The following FAM168A variants were observed in gnomAD, a reference collection of about 807,000 sequenced individuals.
FAM168A encodes family with sequence similarity 168 member A, also known as protein FAM168A.
Under a neutral mutation model 28.5 loss-of-function variants are expected in FAM168A, and 3 were observed. That is an observed-to-expected ratio of 0.11 (90% CI 0.05 to 0.27). FAM168A has a LOEUF of 0.27. FAM168A is among the 10% of genes least tolerant of loss of function. The probability of loss-of-function intolerance (pLI) is 1.00; values close to 1 mark genes in which losing one functional copy is unlikely to be tolerated. For missense variants in FAM168A, 222 were observed against 311.5 expected (o/e 0.71, Z 2.16); for synonymous variants, 122 against 124.2 (o/e 0.98, Z 0.12).
intron 4 of FAM168A, among the ~76,000 whole-genome samples, chr11:73,413,956 G>A (rs1346319118): frequency 2.0e-5 from 3 of 152,126 alleles, no homozygotes; most frequent in Non-Finnish European, 4.4e-5. Context: ...CCAGCTACTT[G>A]GGAGGCTGAG....
intron 1 of FAM168A, among the ~76,000 whole-genome samples, chr11:73,495,053 G>A (rs1172404854): frequency 1.3e-5 from 2 of 151,094 alleles, no homozygotes; most frequent in Non-Finnish European, 2.9e-5. Context: ...AAATGGAAGA[G>A]AGGGTAATTT....
At position 73,419,963 on chromosome 11, in the gene FAM168A, G is replaced by A. The variant is rs201226740; in HGVS notation, c.188C>T (p.Ser63Leu). The stretch of plus-strand genomic sequence containing the variant: ...GGTGCCTTCAGTGCCACAGGAAGAC[G>A]AGTTCTGTGGCCAGGCCTGTTTCAT... ...LLMKQAWPQN[S>L]SSCGTEGTFH... Residue 63 changes from serine to leucine, a missense_variant, in exon 4 of 8, where the codon TCG (serine) becomes TTG (leucine). Coordinates refer to ENST00000356467, the MANE Select transcript of FAM168A (RefSeq NM_015159.3). 8.1e-6 allele frequency: 13 copies of A among 1,613,916 alleles called. No individual in the cohort carries two copies. Among genetic ancestry groups the A allele is most frequent in the East Asian group, 6.7e-5 (3 of 44,876 alleles).
At chr11:73,445,153 G>A (rs1027259289) in intron 2 of FAM168A, among the ~76,000 whole-genome samples, 2 of 152,006 alleles carry the variant, frequency 1.3e-5, no homozygotes, top group Non-Finnish European at 2.9e-5. Context: ...CAGCTACTTG[G>A]GAGGCTGAGG....
At chr11:73,555,783 A>G (rs957695725) in intron 1 of FAM168A, among the ~76,000 whole-genome samples, 1 of 152,132 alleles carries the variant, frequency 6.6e-6, no homozygotes, top group Admixed American at 6.5e-5. Context: ...ACCTGGCCTA[A>G]TCATAAACTC....
At chr11:73,564,470 G>C (rs754943356) in intron 1 of FAM168A, among the ~76,000 whole-genome samples, 3 of 151,724 alleles carry the variant, frequency 2.0e-5, no homozygotes, top group Non-Finnish European at 4.4e-5. Context: ...CAGGCGCAGT[G>C]GCTCACGCCT....
At chr11:73,572,464 T>C (rs1429567370) in intron 1 of FAM168A, among the ~76,000 whole-genome samples, 2 of 151,820 alleles carry the variant, frequency 1.3e-5, no homozygotes, top group African/African-American at 4.8e-5. Context: ...GATTGAGAAA[T>C]CGGATGGTTG....
intron 1 of FAM168A, among the ~76,000 whole-genome samples, chr11:73,520,330 G>T (rs1217185379): frequency 6.6e-6 from 1 of 152,082 alleles, no homozygotes; most frequent in South Asian, 2.1e-4. Flanking sequence ...TTACAGGCGT[G>T]AGCCACCGCG....
intron 2 of FAM168A, among the ~76,000 whole-genome samples, chr11:73,450,996 AC>A (rs1031465231): frequency 1.4e-4 from 21 of 152,178 alleles, no homozygotes; most frequent in Admixed American, 4.6e-4. Context: ...CATAGTAAGA[AC>A]CAGGAATGAA....
rs1170039225 is a variant in FAM168A at position 73,407,713 on chromosome 11, TAC to T, written c.596-72_596-71del. 41 of 1,321,554 alleles carry T rather than the reference TAC, an allele frequency of 3.1e-5. No individual in the cohort carries two copies. The Admixed American group carries it at 7.7e-4, about 25-fold the overall frequency. 81.9% of individuals were successfully genotyped at this position (1,321,554 alleles called of 1,614,324 possible). On this transcript the variant is annotated intron_variant, in intron 6 of 7. Coordinates refer to ENST00000356467, the MANE Select transcript of FAM168A (RefSeq NM_015159.3). Reference sequence around the variant, plus strand: ...GACACAGGAATGAAGAGGATGAAGCTACAGTCTTTCACATGGCTGCTCCCTCT... The same window carrying T: ...GACACAGGAATGAAGAGGATGAAGCTAGTCTTTCACATGGCTGCTCCCTCT...
intron 1 of FAM168A, among the ~76,000 whole-genome samples, chr11:73,514,377 T>C (rs1943271937): frequency 6.6e-6 from 1 of 152,200 alleles, no homozygotes; most frequent in Non-Finnish European, 1.5e-5. Context: ...GATTGAGAAA[T>C]TCTAATTGAA....
In FAM168A at chr11:73,510,563, G is replaced by T. The variant is rs753469434; in HGVS notation, c.-18-42071C>A. 3.9e-5 allele frequency: 9 copies of T among 229,178 alleles called. No homozygotes were observed. In the South Asian group the frequency reaches 1.5e-3, roughly 37 times the overall value. The allele number at this position is 229,178 out of a possible 1,614,324, so 14.2% of individuals were successfully genotyped here. ...TATTGGGCCTAAGCTTTCTTCCTCT[G>T]TAAAATGAGCAGGGATTAGAGGCTG... On this transcript the variant is annotated intron_variant, in intron 1 of 7. Coordinates refer to ENST00000356467, the MANE Select transcript of FAM168A (RefSeq NM_015159.3).
intron 1 of FAM168A, among the ~76,000 whole-genome samples, chr11:73,546,307 G>T (rs1435957034): frequency 6.6e-6 from 1 of 152,040 alleles, no homozygotes; most frequent in Non-Finnish European, 1.5e-5. Flanking sequence ...GAAGTGGGGA[G>T]AAAAAAGTAT....
intron 3 of FAM168A, among the ~76,000 whole-genome samples, chr11:73,424,061 A>AAG (rs1379601613): frequency 2.6e-5 from 4 of 152,212 alleles, no homozygotes; most frequent in African/African-American, 7.2e-5. Context: ...ATAAAATTAT[A>AAG]AGAGGACAGT....
At chr11:73,476,855 C>G (rs761600625) in intron 1 of FAM168A, among the ~76,000 whole-genome samples, 2 of 151,898 alleles carry the variant, frequency 1.3e-5, no homozygotes, top group African/African-American at 4.8e-5. Flanking sequence ...GAAAGAATCA[C>G]TGAACTTGAA....
chr11:73,535,958 A>G (rs1198345306), intron 1 of FAM168A, among the ~76,000 whole-genome samples: 3 of 149,124 alleles, frequency 2.0e-5, no homozygotes, highest in Admixed American at 2.0e-4. Flanking sequence ...TGATCCTCCC[A>G]CCTCAGCCTA....
At chr11:73,579,323 C>A (rs1008439215) in intron 1 of FAM168A, among the ~76,000 whole-genome samples, 1 of 152,068 alleles carries the variant, frequency 6.6e-6, no homozygotes, top group African/African-American at 2.4e-5. Flanking sequence ...AATGTAAATA[C>A]CATTATGTCT....
chr11:73,527,120 T>A (rs965324480), intron 1 of FAM168A, among the ~76,000 whole-genome samples: 3 of 143,502 alleles, frequency 2.1e-5, no homozygotes, highest in African/African-American at 9.1e-5. Flanking sequence ...TCCTTAATCT[T>A]GTGTACTGAC....
intron 1 of FAM168A, among the ~76,000 whole-genome samples, chr11:73,532,298 A>G (rs1230841976): frequency 1.3e-5 from 2 of 152,000 alleles, no homozygotes; most frequent in African/African-American, 4.8e-5. Flanking sequence ...ACATATACCT[A>G]CCCCACCCCT....
At chr11:73,447,930 C>G (rs1362905658) in intron 2 of FAM168A, among the ~76,000 whole-genome samples, 1 of 152,228 alleles carries the variant, frequency 6.6e-6, no homozygotes, top group African/African-American at 2.4e-5. Flanking sequence ...GTTACTTCCA[C>G]TCACTGAGCT....
Sources: gnomAD v4.1 joint callset for allele counts (sites outside exome capture counted in the v4.1 genomes callset) on GRCh38, gnomAD v4.1.1 for gene constraint, MANE v1.5 for transcripts, NCBI Gene and HGNC (gene_info 2026-07-23, HGNC 2026-07-21) for gene names.